NRXN3: variants seen among roughly 807,000 people sequenced by gnomAD.
The protein encoded by NRXN3 is neurexin 3.
In NRXN3, 32 loss-of-function variants were observed where a neutral mutation model predicts 137.6. The observed-to-expected ratio is 0.23, with a 90% CI of 0.18 to 0.31. The LOEUF is 0.31. NRXN3 is among the 10% of genes least tolerant of loss of function. The pLI is 1.00. For synonymous variants in NRXN3, 798 were observed against 784.5 expected (o/e 1.02, Z -0.29); for missense variants, 1,574 against 2,062.5 (o/e 0.76, Z 4.59).
chr14:78,608,353 G>A (rs576938997), intron 4 of NRXN3, among the ~76,000 whole-genome samples: 19 of 152,302 alleles, frequency 1.2e-4, no homozygotes, highest in African/African-American at 4.6e-4. Flanking sequence ...AGAGAGACAT[G>A]CTACCATGGT....
At chr14:78,983,615 T>C (rs1317990628) in intron 14 of NRXN3, among the ~76,000 whole-genome samples, 1 of 151,866 alleles carries the variant, frequency 6.6e-6, no homozygotes, top group Non-Finnish European at 1.5e-5. Context: ...TCCCAGCACT[T>C]TGGGAGGCCG....
intron 1 of NRXN3, among the ~76,000 whole-genome samples, chr14:78,181,525 G>A (rs2059806064): frequency 1.3e-5 from 2 of 152,198 alleles, no homozygotes; most frequent in Non-Finnish European, 2.9e-5. Context: ...TGGTTTGCCT[G>A]GCCTGGGTCC....
chr14:79,803,915 A>G (rs919703271), intron 19 of NRXN3, among the ~76,000 whole-genome samples: 18 of 136,914 alleles, frequency 1.3e-4, no homozygotes, highest in East Asian at 4.1e-4. Flanking sequence ...ATATATATGT[A>G]TATATATATA....
intron 10 of NRXN3, among the ~76,000 whole-genome samples, chr14:78,841,265 T>C (rs1228300225): frequency 6.6e-6 from 1 of 152,118 alleles, no homozygotes; most frequent in Non-Finnish European, 1.5e-5. Context: ...GCTTTGTTGG[T>C]ATTTAGAACC....
chr14:78,712,253 T>C (rs547404521), intron 7 of NRXN3, among the ~76,000 whole-genome samples: 5 of 152,232 alleles, frequency 3.3e-5, no homozygotes, highest in Non-Finnish European at 7.3e-5. Flanking sequence ...ACAGAGAAAA[T>C]AGTAAGAGAT....
chr14:78,741,990 C>A (rs941851940), intron 8 of NRXN3, among the ~76,000 whole-genome samples: 1 of 152,086 alleles, frequency 6.6e-6, no homozygotes, highest in Non-Finnish European at 1.5e-5. Flanking sequence ...GTCTTTGAAC[C>A]CTTACTTTGA....
chr14:78,186,350 C>T (rs911175401), intron 1 of NRXN3, among the ~76,000 whole-genome samples: 2 of 152,246 alleles, frequency 1.3e-5, no homozygotes, highest in African/African-American at 4.8e-5. Flanking sequence ...TGTGGCTTCC[C>T]AGGCAGAGCC....
At chr14:79,280,531 A>C in intron 15 of NRXN3, 1 of 1,610,812 alleles carries the variant, frequency 6.2e-7, no homozygotes, top group Non-Finnish European at 8.5e-7. Flanking sequence ...CCCTTCGAGG[A>C]GGACACGGTA....
intron 1 of NRXN3, among the ~76,000 whole-genome samples, chr14:78,214,322 C>T (rs138792420): frequency 6.6e-6 from 1 of 152,272 alleles, no homozygotes; most frequent in Non-Finnish European, 1.5e-5. Context: ...ACAAGAGTAA[C>T]TTCTTCAGGG....
At chr14:79,489,651 T>A (rs529974388) in intron 16 of NRXN3, among the ~76,000 whole-genome samples, 2 of 152,266 alleles carry the variant, frequency 1.3e-5, no homozygotes, top group East Asian at 3.9e-4. Flanking sequence ...ATCACAAATG[T>A]GAACATCTAT....
intron 20 of NRXN3, among the ~76,000 whole-genome samples, chr14:79,820,111 A>G (rs2099266873): frequency 6.6e-6 from 1 of 152,116 alleles, no homozygotes; most frequent in South Asian, 2.1e-4. Context: ...TGTCTAAATG[A>G]CTGAGATACG....
At chr14:78,365,634 A>T (rs376763973) in intron 4 of NRXN3, among the ~76,000 whole-genome samples, 15 of 152,370 alleles carry the variant, frequency 9.8e-5, no homozygotes, top group African/African-American at 3.6e-4. Flanking sequence ...TGTTTGGAGA[A>T]CAATTTGCCA....
chr14:79,654,330 TAAAAAA>T (rs879462904), intron 16 of NRXN3, among the ~76,000 whole-genome samples: 1 of 144,782 alleles, frequency 6.9e-6, no homozygotes, highest in African/African-American at 2.5e-5. Flanking sequence ...AAATTAAACT[TAAAAAA>T]AAAAACTTAA....
chr14:78,278,009 C>T lies in NRXN3; in HGVS notation c.710-636C>T, dbSNP rs115931923. ...ATTTGTTTGATGAATGATCTACTCA[C>T]ACACAATCTCATGCACACACACTGC... On this transcript the variant is annotated intron_variant, in intron 2 of 20. Coordinates refer to ENST00000335750, the MANE Select transcript of NRXN3 (RefSeq NM_001330195.2). 4.2e-3 allele frequency among the ~76,000 whole-genome samples: 638 copies of T among 152,320 alleles called. 5 individuals are homozygous for T. Among genetic ancestry groups the T allele is most frequent in the African/African-American group, 0.015 (618 of 41,560 alleles).
At chr14:78,338,107 A>G (rs2081688215) in intron 4 of NRXN3, among the ~76,000 whole-genome samples, 1 of 152,076 alleles carries the variant, frequency 6.6e-6, no homozygotes, top group East Asian at 1.9e-4. Flanking sequence ...TCAAAGACTA[A>G]ATTATTCCCA....
intron 1 of NRXN3, among the ~76,000 whole-genome samples, chr14:78,209,522 A>C (rs2062540022): frequency 6.6e-6 from 1 of 152,194 alleles, no homozygotes; most frequent in African/African-American, 2.4e-5. Context: ...CAGGCCTCAG[A>C]AAACTTACAA....
At chr14:79,384,749 C>A (rs773815422) in intron 15 of NRXN3, among the ~76,000 whole-genome samples, 5 of 152,142 alleles carry the variant, frequency 3.3e-5, no homozygotes, top group African/African-American at 4.8e-5. Flanking sequence ...TCAATCTGAT[C>A]ATGGACAAAC....
chr14:78,719,632 A>C (rs1009774980), intron 8 of NRXN3, among the ~76,000 whole-genome samples: 1 of 152,178 alleles, frequency 6.6e-6, no homozygotes, highest in Non-Finnish European at 1.5e-5. Context: ...ACCTGAGGTC[A>C]GGAGTTCAAG....
chr14:79,507,675 C>A (rs1235312595), intron 16 of NRXN3, among the ~76,000 whole-genome samples: 1 of 152,124 alleles, frequency 6.6e-6, no homozygotes, highest in Non-Finnish European at 1.5e-5. Context: ...TTTCAATTAT[C>A]TTTGCTGGCC....
Sources: allele counts gnomAD v4.1 joint callset (sites outside exome capture counted in the v4.1 genomes callset), GRCh38; gene constraint gnomAD v4.1.1; transcripts MANE v1.5; gene names NCBI Gene and HGNC (gene_info 2026-07-23, HGNC 2026-07-21).